Variants in GRM6 observed in about 807,000 individuals in gnomAD.
The protein encoded by GRM6 is glutamate metabotropic receptor 6.
In GRM6, 73 loss-of-function variants were observed where a neutral mutation model predicts 78.4. The ratio of observed to expected loss-of-function variants is 0.93; its 90% CI spans 0.77 to 1.13. The LOEUF (loss-of-function observed/expected upper bound fraction) is 1.13. Ranked by LOEUF, GRM6 falls within the 50% of genes most tolerant of loss-of-function variation. GRM6 has a pLI of 0.00. For synonymous variants in GRM6, 580 were observed against 555.0 expected (o/e 1.05, Z -0.63); for missense variants, 1,251 against 1,256.4 (o/e 1.00, Z 0.07).
rs1760681168 is a variant in GRM6 at position 178,991,828 on chromosome 5, C to T, written c.721+39G>A. 3 of 1,552,230 alleles carry T rather than the reference C, an allele frequency of 1.9e-6. No individual in the cohort carries two copies. Among genetic ancestry groups the T allele is most frequent in the Admixed American group, 3.4e-5 (2 of 59,610 alleles). The stretch of plus-strand genomic sequence containing the variant: ...CCCAACTGAGGGCCCCGGGCCCACA[C>T]TATGTAGACTCCTTGGTGCCTCGGA... On this transcript the variant is annotated intron_variant, in intron 3 of 10. Transcript: ENST00000517717. The surrounding 1 kb of genome is among the most constrained non-coding windows in gnomAD (Gnocchi z 5.0).
At chr5:178,989,706 C>A (rs1760638775) in intron 5 of GRM6, 12 of 491,384 alleles carry the variant, frequency 2.4e-5, no homozygotes, top group Middle Eastern at 5.8e-4. Context: ...AGAGCCTCAC[C>A]ATTTGAAAGA....
intron 7 of GRM6, among the ~76,000 whole-genome samples, chr5:178,987,626 C>T (rs1404858481): frequency 6.6e-6 from 1 of 152,026 alleles, no homozygotes; most frequent in East Asian, 1.9e-4. Flanking sequence ...AGAGAGGGGC[C>T]GTGGAATGGC....
chr5:178,992,278 G>GGGCAAGGTCT lies in GRM6; in HGVS notation c.505-196_505-195insAGACCTTGCC, dbSNP rs11283410. ...GCCACCTGGAAAGGCTGGAAGCTGT[G>GGGCAAGGTCT]GTGTTTTGCGAGTGGGCCTGAGAAT... On this transcript the variant is annotated intron_variant, in intron 2 of 10. Transcript: ENST00000517717. The surrounding 1 kb of genome is among the most constrained non-coding windows in gnomAD (Gnocchi z 4.9). The GGGCAAGGTCT allele has an allele frequency of 0.97, 671,480 of 695,056 alleles. 325,721 individuals carry two copies. Among genetic ancestry groups the GGGCAAGGTCT allele is most frequent in the Non-Finnish European group, 0.99 (376,225 of 380,348 alleles). The allele number at this position is 695,056 out of a possible 1,614,324, so 43.1% of individuals were successfully genotyped here. A position where few individuals can be genotyped will look rare whatever the true frequency, so the allele number is the denominator to read the frequency against.
In GRM6 at chr5:178,991,545, C is replaced by A. The variant is rs899164552; in HGVS notation, c.736G>T (p.Ala246Ser). The change falls in exon 4 of 11, where the codon GCC becomes TCC. Residue 246 changes from alanine (A) to serine (S), a missense_variant. Physicochemically the swap from Ala to Ser is moderately conservative, Grantham distance 99. Coordinates refer to ENST00000517717, the MANE Select transcript of GRM6 (RefSeq NM_000843.4). This position sits in a 1 kb window ranked among gnomAD's most constrained non-coding sequence, Gnocchi z 5.0. ...ISREAGGVCI[A>S]QSIKIPREPK... ...TCCCTGGGAATCTTGATAGACTGGG[C>A]AATACAGACCCCCCCTGGGCGTTGG... is the stretch of plus-strand genomic sequence containing the variant. 5.0e-6 allele frequency: 8 copies of A among 1,613,804 alleles called. No individual in the cohort carries two copies. Among genetic ancestry groups the A allele is most frequent in the Non-Finnish European group, 6.8e-6 (8 of 1,179,818 alleles).
In GRM6 at chr5:178,992,702, G is replaced by T. The variant is rs1760702708; in HGVS notation, c.505-619C>A. ...CGGGGCTGAGAAGGCCGCCAAGAGG[G>T]GGCTATGGGGCTCCAGCGCAAGAGG... On this transcript the variant is annotated intron_variant, in intron 2 of 10. Transcript: ENST00000517717. This position sits in a 1 kb window ranked among gnomAD's most constrained non-coding sequence, Gnocchi z 4.9. 1.3e-5 allele frequency among the ~76,000 whole-genome samples: 2 copies of T among 152,132 alleles called. No individual in the cohort carries two copies. The highest frequency in any genetic ancestry group is 2.9e-5 in the Non-Finnish European group (2 of 68,018).
At chr5:178,983,350 C>A in intron 9 of GRM6, 129 bp from the exon 10 acceptor site, 4 of 820,996 alleles carry the variant, frequency 4.9e-6, no homozygotes, top group Non-Finnish European at 8.1e-6. Context: ...TCCACCTCTT[C>A]GTGGTGGCTC....
At chr5:178,984,517 T>C (rs1289891496) in intron 9 of GRM6, among the ~76,000 whole-genome samples, 1 of 151,988 alleles carries the variant, frequency 6.6e-6, no homozygotes, top group African/African-American at 2.4e-5. Flanking sequence ...CCCTTGTATC[T>C]GGAAAAGAGG....
At position 178,982,133 on chromosome 5, in the gene GRM6, G is replaced by A. The variant is rs560377837; in HGVS notation, c.2437-279C>T. Among the ~76,000 whole-genome samples, 6 of 152,322 alleles carry A rather than the reference G, an allele frequency of 3.9e-5. No individual in the cohort carries two copies. The South Asian group carries it at 1.0e-3, about 26-fold the overall frequency. On this transcript the variant is annotated intron_variant, in intron 10 of 10. Coordinates refer to ENST00000517717, the MANE Select transcript of GRM6 (RefSeq NM_000843.4). ...CCGGGGCATGTCAGTGAATGAGCAC[G>A]TTTCAAATACATACAAATGAATAAA...
At position 178,983,227 on chromosome 5, in the gene GRM6, G is replaced by A. The variant is rs1280833150; in HGVS notation, c.2125-6C>T. The A allele has an allele frequency of 6.2e-7, 1 of 1,609,634 alleles. No individual in the cohort carries two copies. The highest frequency in any genetic ancestry group is 8.5e-7 in the Non-Finnish European group (1 of 1,177,598). On this transcript the variant is annotated splice_polypyrimidine_tract_variant and splice_region_variant and intron_variant, in intron 9 of 10. Transcript: ENST00000517717. ...CATGCTATCATCCCCACCACCTGCA[G>A]GAGCCAACACTGCATCAGACACAGC...
chr5:178,989,819 A>T, intron 5 of GRM6: 1 of 316,528 alleles, frequency 3.2e-6, no homozygotes, highest in East Asian at 8.1e-5. Flanking sequence ...AAGCAGGAAG[A>T]CCCAAGGCAA....
In GRM6 at chr5:178,992,054, G is replaced by A; in HGVS notation, c.534C>T (p.Ala178=). ...AGCGTGTGGAGTCGCTGAGCTCCGG[G>A]GCTGTGGAGGCATAGCTGATCTGGG... is the stretch of plus-strand genomic sequence containing the variant. ...AIPQISYAST[A]PELSDSTRYD... is the part of the protein sequence containing the mutation. Residue 178 remains alanine, a synonymous_variant, in exon 3 of 11, where the codon GCC becomes GCT. Transcript: ENST00000517717. The surrounding 1 kb of genome is among the most constrained non-coding windows in gnomAD (Gnocchi z 4.9). 1 of 1,613,938 alleles carries A rather than the reference G, an allele frequency of 6.2e-7. No individual in the cohort carries two copies. Among genetic ancestry groups the A allele is most frequent in the Admixed American group, 1.7e-5 (1 of 60,022 alleles).
chr5:178,982,576 CAAAAAAAAAAA>C (rs70997654), intron 10 of GRM6, among the ~76,000 whole-genome samples: 2 of 20,168 alleles, frequency 9.9e-5, no homozygotes, highest in Middle Eastern at 0.05. Flanking sequence ...GACTCTGTCT[CAAAAAAAAAAA>C]AAAAAAAAAA....
In GRM6 at chr5:178,994,563, C is replaced by T. The variant is rs990355527; in HGVS notation, c.382G>A (p.Val128Met). The change falls in exon 2 of 11, where the codon GTG (valine) becomes ATG (methionine). Residue 128 changes from valine (V) to methionine (M), a missense_variant. Transcript: ENST00000517717. ...RGRGDGDEVG[V>M]RCPGGVPPLR... ...GGAGGGACGCCTCCCGGGCAGCGCA[C>T]GCCCACCTCGTCGCCGTCGCCGCGG... 19 of 1,335,164 alleles carry T rather than the reference C, an allele frequency of 1.4e-5. No individual in the cohort carries two copies. In the African/African-American group the frequency reaches 2.9e-4, roughly 20 times the overall value. The allele number at this position is 1,335,164 out of a possible 1,614,324, so 82.7% of individuals were successfully genotyped here.
chr5:178,995,088 T>TA, intron 1 of GRM6, 128 bp from the exon 2 acceptor site: 1 of 397,810 alleles, frequency 2.5e-6, no homozygotes, highest in Non-Finnish European at 3.6e-6. Flanking sequence ...ACTTCGGCTC[T>TA]GGGGAGTTAG....
At chr5:178,993,202 G>A (rs1486106323) in intron 2 of GRM6, among the ~76,000 whole-genome samples, 1 of 152,210 alleles carries the variant, frequency 6.6e-6, no homozygotes, top group Admixed American at 6.5e-5. Flanking sequence ...TAGCCGGGCA[G>A]CACAACCTCA....
chr5:178,987,588 C>T (rs1221572690), intron 7 of GRM6: 1 of 389,380 alleles, frequency 2.6e-6, no homozygotes, highest in South Asian at 1.9e-5. Context: ...GATGCCACCA[C>T]AGGAGGTACC....
At chr5:178,982,712 A>T (rs1760422949) in intron 10 of GRM6, 198 bp downstream of exon 10, 2 of 541,238 alleles carry the variant, frequency 3.7e-6, no homozygotes, top group Admixed American at 3.3e-5. Context: ...AAAGAAAAAA[A>T]GAAGAGTGGA....
rs987970212 is a variant in GRM6 at position 178,979,915 on chromosome 5, A to C, written c.*1742T>G. 6.5e-6 allele frequency: 1 copy of C among 154,512 alleles called. No homozygotes were observed. The highest frequency in any genetic ancestry group is 2.4e-5 in the African/African-American group (1 of 41,528). 9.6% of individuals were successfully genotyped at this position (154,512 alleles called of 1,614,324 possible). A position where few individuals can be genotyped will look rare whatever the true frequency, so the allele number is the denominator to read the frequency against. On this transcript the variant is annotated 3_prime_UTR_variant, in exon 11 of 11. Coordinates refer to ENST00000517717, the MANE Select transcript of GRM6 (RefSeq NM_000843.4). ...AAGAAAACACGCCCCATTACCCATGAGAGAGCTGCACAGGAGAGAAACCCT... is the reference window on the plus strand; with the variant it reads ...AAGAAAACACGCCCCATTACCCATGCGAGAGCTGCACAGGAGAGAAACCCT...
rs567193278 is a variant in GRM6, at chr5:178,983,490, A to G, written c.2125-269T>C. ...GCCGCCCGTATATGTTGGCAACATC[A>G]GTGCAGTGTGCATAAGGGGCAGCTT... On this transcript the variant is annotated intron_variant, in intron 9 of 10. Coordinates refer to ENST00000517717, the MANE Select transcript of GRM6 (RefSeq NM_000843.4). 57 of 659,516 alleles carry G rather than the reference A, an allele frequency of 8.6e-5. No individual in the cohort carries two copies. In the Admixed American group the frequency reaches 1.2e-3, roughly 14 times the overall value. The allele number at this position is 659,516 out of a possible 1,614,324, so 40.9% of individuals were successfully genotyped here.
Sources: gnomAD v4.1 joint callset for allele counts (sites outside exome capture counted in the v4.1 genomes callset) on GRCh38, gnomAD v4.1.1 for gene constraint, Gnocchi (gnomAD v3.1) non-coding constraint, MANE v1.5 for transcripts, NCBI Gene and HGNC (gene_info 2026-07-23, HGNC 2026-07-21) for gene names.